GSE1: variants seen among roughly 807,000 people sequenced by gnomAD.
GSE1 encodes genetic suppressor element 1.
In GSE1, 32 loss-of-function variants were observed where a neutral mutation model predicts 112.6. That is an observed-to-expected ratio of 0.28 (90% CI 0.21 to 0.38). The LOEUF is 0.38. Among genes scored for constraint, GSE1 ranks in the 10% least tolerant of loss-of-function variants. The pLI is 1.00. For synonymous variants in GSE1, 1,115 were observed against 735.6 expected, an observed-to-expected ratio of 1.52 and a Z score of -8.35; for missense variants, 2,348 against 1,699.2, an observed-to-expected ratio of 1.38 and a Z score of -6.71.
chr16:85,378,450 G>C (rs932081293), intron 2 of GSE1, among the ~76,000 whole-genome samples: 1 of 152,168 alleles, frequency 6.6e-6, no homozygotes, highest in Non-Finnish European at 1.5e-5. Context: ...CTTTCACTTA[G>C]GAGCTGTGAG....
At chr16:85,660,256 C>G (rs780512606) in intron 8 of GSE1, among the ~76,000 whole-genome samples, 1 of 152,204 alleles carries the variant, frequency 6.6e-6, no homozygotes, top group Admixed American at 6.5e-5. Context: ...CTGGATCTGT[C>G]CCAGGCCTGA....
At chr16:85,614,841 A>G (rs1323286926) in intron 1 of GSE1, among the ~76,000 whole-genome samples, 2 of 152,218 alleles carry the variant, frequency 1.3e-5, no homozygotes, top group African/African-American at 4.8e-5. Flanking sequence ...CGGGGCCACC[A>G]AATGGAAAGA....
chr16:85,660,819 A>T (rs1229932710), intron 8 of GSE1, among the ~76,000 whole-genome samples: 1 of 151,864 alleles, frequency 6.6e-6, no homozygotes, highest in East Asian at 2.0e-4. Flanking sequence ...TTTAGTAGAG[A>T]TGGGGTTTCA....
intron 1 of GSE1, chr16:85,594,310 T>C: frequency 6.6e-6 from 1 of 151,222 alleles, no homozygotes; most frequent in Non-Finnish European, 1.5e-5. Context: ...GGTCAGCTTC[T>C]CCATCTGCTC....
intron 1 of GSE1, among the ~76,000 whole-genome samples, chr16:85,616,083 T>C (rs2048353340): frequency 6.6e-6 from 1 of 152,228 alleles, no homozygotes; most frequent in Non-Finnish European, 1.5e-5. Context: ...GCCTGTGGGC[T>C]CAGCATCGCC....
intron 2 of GSE1, among the ~76,000 whole-genome samples, chr16:85,459,702 C>T (rs1382785433): frequency 6.6e-6 from 1 of 152,200 alleles, no homozygotes; most frequent in Non-Finnish European, 1.5e-5. Context: ...AGTCTGCCCA[C>T]CCTGCAGAGG....
Position 85,654,783 on chromosome 16 carries a change from C to A in GSE1, c.600-11C>A. Reference sequence around the variant, plus strand: ...ACCTGTCCCCACCTTGCCCACTATCCCCGCCTGCAGCCTCCAGCGGCCCGT... The same window carrying A: ...ACCTGTCCCCACCTTGCCCACTATCACCGCCTGCAGCCTCCAGCGGCCCGT... On this transcript the variant is annotated splice_polypyrimidine_tract_variant and intron_variant, in intron 4 of 15. Coordinates refer to ENST00000253458, the MANE Select transcript of GSE1 (RefSeq NM_014615.5). 1 of 1,598,472 alleles carries A rather than the reference C, an allele frequency of 6.3e-7. No homozygotes were observed. The highest frequency in any genetic ancestry group is 8.6e-7 in the Non-Finnish European group (1 of 1,169,400).
intron 1 of GSE1, chr16:85,592,502 G>GTGTCTGGGAGGGTTT (rs2047045133): frequency 6.6e-6 from 1 of 152,164 alleles, no homozygotes; most frequent in South Asian, 2.1e-4. Flanking sequence ...GCCTTCACAC[G>GTGTCTGGGAGGGTTT]TGTCTGGGAG....
At chr16:85,520,913 G>A (rs563224229) in intron 2 of GSE1, among the ~76,000 whole-genome samples, 8 of 152,182 alleles carry the variant, frequency 5.3e-5, no homozygotes, top group Non-Finnish European at 1.0e-4. Context: ...GGTCCCGCCC[G>A]CCACCCTCTG....
chr16:85,648,037 G>C (rs563557680), intron 2 of GSE1, among the ~76,000 whole-genome samples: 24 of 152,038 alleles, frequency 1.6e-4, no homozygotes, highest in African/African-American at 5.8e-4. Flanking sequence ...GGTCTCTGCT[G>C]CTTACACGTG....
At chr16:85,344,224 G>A (rs2046685590) in intron 1 of GSE1, among the ~76,000 whole-genome samples, 1 of 152,206 alleles carries the variant, frequency 6.6e-6, no homozygotes, top group Non-Finnish European at 1.5e-5. Flanking sequence ...GTGCCCAGGG[G>A]AAAGGGTACG....
At chr16:85,233,912 C>T (rs1309476249) in intron 1 of GSE1, among the ~76,000 whole-genome samples, 2 of 152,124 alleles carry the variant, frequency 1.3e-5, no homozygotes, top group Admixed American at 6.5e-5. Context: ...TACCCCTGCC[C>T]CCTGTCCACA....
At chr16:85,465,238 C>T (rs2050091291) in intron 2 of GSE1, among the ~76,000 whole-genome samples, 1 of 152,260 alleles carries the variant, frequency 6.6e-6, no homozygotes, top group African/African-American at 2.4e-5. Flanking sequence ...CCCCCGCCCA[C>T]CTGGAGCTCC....
intron 1 of GSE1, among the ~76,000 whole-genome samples, chr16:85,264,599 G>A (rs934107356): frequency 2.0e-5 from 3 of 151,996 alleles, no homozygotes; most frequent in African/African-American, 7.3e-5. Context: ...GGCCAGGGCC[G>A]GGGGTGGCTG....
chr16:85,564,042 G>A (rs145414922), intron 1 of GSE1, among the ~76,000 whole-genome samples: 46 of 152,350 alleles, frequency 3.0e-4, no homozygotes, highest in African/African-American at 1.1e-3. Flanking sequence ...CGGGCACTGC[G>A]CTGCGTCAGT....
At chr16:85,431,297 G>A (rs963958525) in intron 2 of GSE1, among the ~76,000 whole-genome samples, 1 of 152,214 alleles carries the variant, frequency 6.6e-6, no homozygotes, top group African/African-American at 2.4e-5. Flanking sequence ...TGTCCATACG[G>A]GAGCTCGCTC....
intron 2 of GSE1, among the ~76,000 whole-genome samples, chr16:85,383,527 GTC>G (rs55919597): frequency 0.038 from 4,904 of 129,966 alleles, 87 homozygotes; most frequent in Admixed American, 0.076. Flanking sequence ...GCACACCTGC[GTC>G]TCTCTCTCTC....
chr16:85,399,084 T>C (rs2048032073), intron 2 of GSE1, among the ~76,000 whole-genome samples: 1 of 152,178 alleles, frequency 6.6e-6, no homozygotes, highest in Non-Finnish European at 1.5e-5. Flanking sequence ...CATGTGTATG[T>C]GTATGTGGTG....
Position 85,656,591 on chromosome 16 carries a change from A to G in GSE1, c.1238A>G (p.Glu413Gly). The change falls in exon 7 of 16, where the codon GAG becomes GGG. Residue 413 changes from glutamate to glycine, a missense_variant. By Grantham distance (98) the Glu-to-Gly change is moderately conservative. Transcript: ENST00000253458. ...GAGCCCAGCTTCCTGCCCGTGGCCG[A>G]GCTGCATGGGCTGCGTGGCCATGCC... ...ALEPSFLPVA[E>G]LHGLRGHATE... The G allele has an allele frequency of 6.5e-7, 1 of 1,547,174 alleles. No individual in the cohort carries two copies. Among genetic ancestry groups the G allele is most frequent in the Admixed American group, 2.0e-5 (1 of 50,886 alleles).
Sources: gnomAD v4.1 joint callset for allele counts (sites outside exome capture counted in the v4.1 genomes callset) on GRCh38, gnomAD v4.1.1 for gene constraint, MANE v1.5 for transcripts, NCBI Gene and HGNC (gene_info 2026-07-23, HGNC 2026-07-21) for gene names.